ERCC4: variants seen among roughly 807,000 people sequenced by gnomAD.
ERCC4 encodes ERCC excision repair 4, endonuclease catalytic subunit, also known as DNA repair endonuclease XPF.
ERCC4 carries 65 observed loss-of-function variants against 76.9 expected under a neutral mutation model. The ratio of observed to expected loss-of-function variants is 0.84; its 90% CI spans 0.69 to 1.04. The LOEUF is 1.04. Ranked by LOEUF, ERCC4 falls within the 50% of genes least tolerant of loss-of-function variation. ERCC4 has a pLI of 0.00. For synonymous variants in ERCC4, 463 were observed against 410.1 expected, an observed-to-expected ratio of 1.13 and a Z score of -1.56; for missense variants, 1,214 against 1,128.2, an observed-to-expected ratio of 1.08 and a Z score of -1.09.
chr16:13,926,652 T>C lies in ERCC4; in HGVS notation c.480T>C (p.Phe160=). 6.2e-7 allele frequency: 1 copy of C among 1,614,184 alleles called. No homozygotes were observed. The highest frequency in any genetic ancestry group is 1.3e-5 in the African/African-American group (1 of 75,066). Residue 160 remains phenylalanine, a synonymous_variant, in exon 3 of 11, where the codon TTT becomes TTC. Coordinates refer to ENST00000311895, the MANE Select transcript of ERCC4 (RefSeq NM_005236.3). ...RLFRQKNKRG[F]IKAFTDNAVA... ...TTCGCCAGAAAAACAAACGTGGTTT[T>C]ATTAAAGCTTTCACAGACAATGCTG...
intron 7 of ERCC4, 96 bp from the exon 8 acceptor site, chr16:13,935,050 A>G: frequency 1.1e-6 from 1 of 929,714 alleles, no homozygotes; most frequent in South Asian, 1.3e-5. Flanking sequence ...ACCAAAGGGT[A>G]AGATGTCTTC....
chr16:13,927,051 T>C (rs2141945225), intron 3 of ERCC4, among the ~76,000 whole-genome samples: 1 of 152,312 alleles, frequency 6.6e-6, no homozygotes, highest in Middle Eastern at 3.4e-3. Flanking sequence ...CTCCCAGGGA[T>C]CTAGAGACCC....
chr16:13,947,622 G>C lies in ERCC4; in HGVS notation c.2026G>C (p.Glu676Gln), dbSNP rs2141619663. 1 of 1,614,150 alleles carries C rather than the reference G, an allele frequency of 6.2e-7. No individual in the cohort carries two copies. Reference sequence around the variant, plus strand: ...TTACTTTTTCTCTGTAGGTGGCCAGGAACAGAATGGTACACAGCAAAGCAT... The same window carrying C: ...TTACTTTTTCTCTGTAGGTGGCCAGCAACAGAATGGTACACAGCAAAGCAT... Reference protein sequence around the residue: ...STDTRKAGGQEQNGTQQSIVV... With the variant: ...STDTRKAGGQQQNGTQQSIVV... The change falls in exon 11 of 11, where the codon GAA (glutamate) becomes CAA (glutamine). Residue 676 changes from glutamate (E) to glutamine (Q), a missense_variant. Transcript: ENST00000311895.
At position 13,949,662 on chromosome 16, in the gene ERCC4, T is replaced by C. The variant is rs1236631765; in HGVS notation, c.*1315T>C. On this transcript the variant is annotated 3_prime_UTR_variant, in exon 11 of 11. Coordinates refer to ENST00000311895, the MANE Select transcript of ERCC4 (RefSeq NM_005236.3). ...TTAAAAATCCATAAAGAAAAAAATCTCATTCTAAACCTGATTAAGTTGGCT... is the reference window on the plus strand; with the variant it reads ...TTAAAAATCCATAAAGAAAAAAATCCCATTCTAAACCTGATTAAGTTGGCT... 1 of 232,708 alleles carries C rather than the reference T, an allele frequency of 4.3e-6. No homozygotes were observed. The highest frequency in any genetic ancestry group is 2.2e-5 in the African/African-American group (1 of 45,342). 14.4% of individuals were successfully genotyped at this position (232,708 alleles called of 1,614,324 possible). A position where few individuals can be genotyped will look rare whatever the true frequency, so the allele number is the denominator to read the frequency against.
At chr16:13,932,077 T>C (rs924684473) in intron 5 of ERCC4, 80 bp from the exon 6 acceptor site, 4 of 1,198,412 alleles carry the variant, frequency 3.3e-6, no homozygotes, top group Non-Finnish European at 3.7e-6. Flanking sequence ...CAGTTACGTA[T>C]GTAGGTCATG....
At chr16:13,943,091 A>G (rs1017021855) in intron 9 of ERCC4, among the ~76,000 whole-genome samples, 1 of 152,044 alleles carries the variant, frequency 6.6e-6, no homozygotes, top group African/African-American at 2.4e-5. Flanking sequence ...TACTAATAAT[A>G]TATTTGCATT....
Position 13,926,765 on chromosome 16 carries a change from C to T in ERCC4, c.584+9C>T. On this transcript the variant is annotated intron_variant, in intron 3 of 10. Transcript: ENST00000311895. ...CTGTATCTGTGGCCAAGGTAAAGAA[C>T]ATTATGTGACAAATAATGATGACAT... The T allele has an allele frequency of 1.3e-6, 2 of 1,591,342 alleles. No homozygotes were observed. Among genetic ancestry groups the T allele is most frequent in the Non-Finnish European group, 1.7e-6 (2 of 1,159,572 alleles).
rs763619616 is a variant in ERCC4, at chr16:13,935,215, C to T, written c.1283C>T (p.Ala428Val). 9 of 1,613,786 alleles carry T rather than the reference C, an allele frequency of 5.6e-6. No homozygotes were observed. The highest frequency in any genetic ancestry group is 3.3e-4 in the Middle Eastern group (2 of 6,084). The change falls in exon 8 of 11, where the codon GCG (alanine) becomes GTG (valine). Residue 428 changes from alanine (A) to valine (V), a missense_variant. By Grantham distance (64) the Ala-to-Val change is moderately conservative. Coordinates refer to ENST00000311895, the MANE Select transcript of ERCC4 (RefSeq NM_005236.3). ...SQLRDYITLG[A>V]EAFLLRLYRK... The stretch of plus-strand genomic sequence containing the variant: ...CTGAGAGACTATATCACTCTTGGAG[C>T]GGAGGCCTTCTTATTGAGGCTCTAC...
intron 4 of ERCC4, among the ~76,000 whole-genome samples, chr16:13,930,471 TTCTTC>T (rs1202665278): frequency 6.6e-6 from 1 of 152,160 alleles, no homozygotes; most frequent in African/African-American, 2.4e-5. Context: ...CAGTAAGACA[TTCTTC>T]TATATTTGAA....
rs2032238252 is a variant in ERCC4 at position 13,934,202 on chromosome 16, G to A, written c.1113G>A (p.Lys371=). Residue 371 remains lysine (K), a synonymous_variant, in exon 7 of 11, where the codon AAG becomes AAA. Transcript: ENST00000311895. ...MEIKEGEETK[K]ELVLESNPKW... ...TTTATTTCTCTACAGAAACAAAAAA[G>A]GAACTGGTCCTAGAAAGCAACCCAA... 8.7e-6 allele frequency: 14 copies of A among 1,607,306 alleles called. No individual in the cohort carries two copies. The highest frequency in any genetic ancestry group is 1.2e-5 in the Non-Finnish European group (14 of 1,174,808).
intron 7 of ERCC4, 84 bp from the exon 8 acceptor site, chr16:13,935,062 C>T (rs1039818750): frequency 3.7e-5 from 38 of 1,040,166 alleles, no homozygotes; most frequent in African/African-American, 3.3e-4. Flanking sequence ...GATGTCTTCC[C>T]TTCGGGTGAA....
At chr16:13,927,251 T>C (rs538629658) in intron 3 of ERCC4, among the ~76,000 whole-genome samples, 2 of 152,320 alleles carry the variant, frequency 1.3e-5, no homozygotes, top group South Asian at 4.1e-4. Context: ...TTGGTTATAA[T>C]ATATGTTATT....
At chr16:13,939,875 C>T (rs1220002688) in intron 9 of ERCC4, among the ~76,000 whole-genome samples, 2 of 152,122 alleles carry the variant, frequency 1.3e-5, no homozygotes, top group African/African-American at 4.8e-5. Flanking sequence ...CCTGACCATT[C>T]CTTCACTCTT....
chr16:13,948,175 C>T lies in ERCC4; in HGVS notation c.2579C>T (p.Ala860Val), dbSNP rs4986933. 1 of 1,614,136 alleles carries T rather than the reference C, an allele frequency of 6.2e-7. No individual in the cohort carries two copies. Among genetic ancestry groups the T allele is most frequent in the Non-Finnish European group, 8.5e-7 (1 of 1,180,034 alleles). ...DFLLKMPGVN[A>V]KNCRSLMHHV... ...TTGTTAAAAATGCCAGGGGTGAATG[C>T]CAAAAACTGCCGCTCCTTGATGCAC... is the stretch of plus-strand genomic sequence containing the variant. Residue 860 changes from alanine (A) to valine (V), a missense_variant, in exon 11 of 11, where the codon GCC becomes GTC. Ala to Val is a moderately conservative substitution (Grantham distance 64). Coordinates refer to ENST00000311895, the MANE Select transcript of ERCC4 (RefSeq NM_005236.3).
chr16:13,924,962 A>G (rs1445234186), intron 2 of ERCC4, among the ~76,000 whole-genome samples: 1 of 152,156 alleles, frequency 6.6e-6, no homozygotes, highest in African/African-American at 2.4e-5. Context: ...ACCTGCTTCT[A>G]TTATTTTTAT....
chr16:13,922,302 TC>T (rs2031993656), intron 2 of ERCC4, 91 bp downstream of exon 2: 1 of 954,486 alleles, frequency 1.0e-6, no homozygotes, highest in African/African-American at 1.7e-5. Flanking sequence ...CAGAGAATAG[TC>T]TGTCTTCAGT....
At chr16:13,930,532 C>T in intron 4 of ERCC4, 178 bp from the exon 5 acceptor site, 1 of 584,042 alleles carries the variant, frequency 1.7e-6, no homozygotes, top group East Asian at 2.8e-5. Context: ...AATGTTCTAG[C>T]CACTTCCTTG....
chr16:13,921,357 T>C (rs780491417), intron 1 of ERCC4, among the ~76,000 whole-genome samples: 3 of 152,036 alleles, frequency 2.0e-5, no homozygotes, highest in Admixed American at 1.3e-4. Context: ...TGAGGGGTGT[T>C]GAGAGGGGAC....
rs2032600699 is a variant in ERCC4 at position 13,949,986 on chromosome 16, G to C, written c.*1639G>C. The C allele has an allele frequency of 9.0e-6, 2 of 221,806 alleles. No homozygotes were observed. Among genetic ancestry groups the C allele is most frequent in the Non-Finnish European group, 1.8e-5 (2 of 111,066 alleles). 13.7% of individuals were successfully genotyped at this position (221,806 alleles called of 1,614,324 possible). ...GTCATTGTTATTTTTTTTTGAGACAGAGTCTCCCTCTGTTGCCCAGGCTGG... is the reference window on the plus strand; with the variant it reads ...GTCATTGTTATTTTTTTTTGAGACACAGTCTCCCTCTGTTGCCCAGGCTGG... On this transcript the variant is annotated 3_prime_UTR_variant, in exon 11 of 11. Transcript: ENST00000311895.
Sources: gnomAD v4.1 joint callset for allele counts (sites outside exome capture counted in the v4.1 genomes callset) on GRCh38, gnomAD v4.1.1 for gene constraint, MANE v1.5 for transcripts, NCBI Gene and HGNC (gene_info 2026-07-23, HGNC 2026-07-21) for gene names.